ZNF274: variants seen among roughly 807,000 people sequenced by gnomAD.
The protein encoded by ZNF274 is zinc finger protein 274.
In ZNF274, 23 loss-of-function variants were observed where a neutral mutation model predicts 42.5. The observed-to-expected ratio is 0.54, with a 90% CI of 0.39 to 0.77. The LOEUF (loss-of-function observed/expected upper bound fraction) is 0.77. Among genes scored for constraint, ZNF274 ranks in the 30% least tolerant of loss-of-function variants. The probability of loss-of-function intolerance (pLI) is 0.00; values close to 1 mark genes in which losing one functional copy is unlikely to be tolerated. For missense variants in ZNF274, 679 were observed against 806.5 expected (o/e 0.84, Z 1.91); for synonymous variants, 292 against 305.4 (o/e 0.96, Z 0.46).
At chr19:58,196,771 T>C (rs1236203578) in intron 4 of ZNF274, among the ~76,000 whole-genome samples, 1 of 152,184 alleles carries the variant, frequency 6.6e-6, no homozygotes, top group African/African-American at 2.4e-5. Context: ...AGTAAATGTG[T>C]TTAGTTTGAA....
chr19:58,188,048 A>AGT (rs2075720900), intron 4 of ZNF274, among the ~76,000 whole-genome samples: 1 of 152,194 alleles, frequency 6.6e-6, no homozygotes, highest in African/African-American at 2.4e-5. Context: ...TAACAGCTTC[A>AGT]GTGTGGTCCA....
chr19:58,183,861 G>A (rs1034110394), intron 1 of ZNF274, 60 bp from the exon 2 acceptor site: 1 of 1,206,740 alleles, frequency 8.3e-7, no homozygotes, highest in Non-Finnish European at 1.2e-6. Context: ...CGGAGGCTGC[G>A]GTAGCTCCCC....
rs1568699833 is a variant in ZNF274 at position 58,191,753 on chromosome 19, C to G, written c.256+4711C>G. ...CTGAGGTGATGGGTGTCCAACTCAT[C>G]TCTGCTCTGTCACAGAAAGAGTCCT... On this transcript the variant is annotated intron_variant, in intron 4 of 7. Transcript: ENST00000617501. 2.0e-5 allele frequency among the ~76,000 whole-genome samples: 3 copies of G among 152,308 alleles called. No individual in the cohort carries two copies. The East Asian group carries it at 5.8e-4, about 29-fold the overall frequency.
intron 4 of ZNF274, among the ~76,000 whole-genome samples, chr19:58,188,694 G>GTATGTATATATA (rs1555816898): frequency 8.2e-4 from 61 of 74,654 alleles, no homozygotes; most frequent in African/African-American, 3.3e-3. Context: ...ATATGTATAT[G>GTATGTATATATA]TATATATATA....
At chr19:58,206,629 G>A in intron 4 of ZNF274, 91 bp from the exon 5 acceptor site, 1 of 1,434,636 alleles carries the variant, frequency 7.0e-7, no homozygotes, top group Non-Finnish European at 9.3e-7. Context: ...TTCCACTGTG[G>A]TTTTGACTTG....
intron 3 of ZNF274, 97 bp downstream of exon 3, chr19:58,185,935 AC>A: frequency 8.6e-7 from 1 of 1,165,656 alleles, no homozygotes; most frequent in Non-Finnish European, 1.1e-6. Context: ...CTGCAGGGGC[AC>A]CAGTAGGAAA....
chr19:58,190,591 C>T (rs1480273423), intron 4 of ZNF274, among the ~76,000 whole-genome samples: 1 of 152,190 alleles, frequency 6.6e-6, no homozygotes, highest in Non-Finnish European at 1.5e-5. Flanking sequence ...AGTGGTCACA[C>T]AATTCTTCTC....
At chr19:58,198,381 AC>A (rs764062667) in intron 4 of ZNF274, among the ~76,000 whole-genome samples, 1 of 152,216 alleles carries the variant, frequency 6.6e-6, no homozygotes, top group Non-Finnish European at 1.5e-5. Flanking sequence ...AAAGTATATG[AC>A]ATTTTAATAT....
rs1466553735 is a variant in ZNF274 at position 58,211,997 on chromosome 19, C to G, written c.980-164C>G. ...CTTGTTCACCAAGGTCAGTGCTCCC[C>G]TCCCTGCCGCTTCATTGCTTTTCAG... On this transcript the variant is annotated intron_variant, in intron 7 of 7. Transcript: ENST00000617501. This position sits in a 1 kb window ranked among gnomAD's most constrained non-coding sequence, Gnocchi z 4.8. 6.6e-6 allele frequency among the ~76,000 whole-genome samples: 1 copy of G among 152,162 alleles called. No individual in the cohort carries two copies. Among genetic ancestry groups the G allele is most frequent in the African/African-American group, 2.4e-5 (1 of 41,432 alleles).
In ZNF274 at chr19:58,211,798, C is replaced by T. The variant is rs1270059788; in HGVS notation, c.979+112C>T. The T allele has an allele frequency of 3.5e-6, 5 of 1,423,920 alleles. No homozygotes were observed. The highest frequency in any genetic ancestry group is 4.7e-6 in the Non-Finnish European group (5 of 1,069,584). The allele number at this position is 1,423,920 out of a possible 1,614,324, so 88.2% of individuals were successfully genotyped here. ...ACACTGGGCATTCCCTCAAGGGGCC[C>T]TTGCTGCATCCAGGGCCTGTAAGTG... is the stretch of plus-strand genomic sequence containing the variant. On this transcript the variant is annotated intron_variant, in intron 7 of 7. Transcript: ENST00000617501. The surrounding 1 kb of genome is among the most constrained non-coding windows in gnomAD (Gnocchi z 4.8).
chr19:58,192,919 A>AT (rs960137956), intron 4 of ZNF274, among the ~76,000 whole-genome samples: 1 of 151,362 alleles, frequency 6.6e-6, no homozygotes, highest in African/African-American at 2.4e-5. Context: ...TAAGTTTTAT[A>AT]TTTTTTTGTC....
intron 4 of ZNF274, among the ~76,000 whole-genome samples, chr19:58,194,887 G>T (rs1381139869): frequency 6.6e-6 from 1 of 152,080 alleles, no homozygotes; most frequent in Non-Finnish European, 1.5e-5. Flanking sequence ...AGTAGTCCCA[G>T]CTACTCAGGA....
At chr19:58,204,051 G>C (rs12982863) in intron 4 of ZNF274, among the ~76,000 whole-genome samples, 28,920 of 152,222 alleles carry the variant, frequency 0.19, 3,576 homozygotes, top group Middle Eastern at 0.37. Context: ...GCGCGCAAAC[G>C]GGAAGCCCAG....
At chr19:58,201,337 G>A (rs893422232) in intron 4 of ZNF274, among the ~76,000 whole-genome samples, 1 of 151,016 alleles carries the variant, frequency 6.6e-6, no homozygotes, top group African/African-American at 2.4e-5. Flanking sequence ...ACCAGATCTC[G>A]TGTGATTAAC....
rs373881031 is a variant in ZNF274, at chr19:58,211,532, G to A, written c.853-28G>A. ...TTGACAACCCTCTGACCCTCTTGCT[G>A]AGCATAGACACATATGTGATGTTAC... On this transcript the variant is annotated intron_variant, in intron 6 of 7. Transcript: ENST00000617501. This position sits in a 1 kb window ranked among gnomAD's most constrained non-coding sequence, Gnocchi z 4.8. 8.3e-5 allele frequency: 133 copies of A among 1,597,928 alleles called. No individual in the cohort carries two copies. Among genetic ancestry groups the A allele is most frequent in the Non-Finnish European group, 1.1e-4 (124 of 1,170,338 alleles).
intron 5 of ZNF274, chr19:58,209,278 CTG>C (rs2076011985): frequency 1.3e-5 from 2 of 152,246 alleles, no homozygotes; most frequent in Non-Finnish European, 2.9e-5. Context: ...GATCTAATCA[CTG>C]TGGCCAAGAG....
chr19:58,201,222 G>C (rs1440500865), intron 4 of ZNF274, among the ~76,000 whole-genome samples: 1 of 146,266 alleles, frequency 6.8e-6, no homozygotes, highest in Non-Finnish European at 1.5e-5. Flanking sequence ...ATGTTGCCCA[G>C]GCCGGTCTAG....
rs752803116 is a variant in ZNF274, at chr19:58,207,588, C to T, written c.739+386C>T. Among the ~76,000 whole-genome samples, 1 of 152,032 alleles carries T rather than the reference C, an allele frequency of 6.6e-6. No individual in the cohort carries two copies. The highest frequency in any genetic ancestry group is 1.5e-5 in the Non-Finnish European group (1 of 68,008). On this transcript the variant is annotated intron_variant, in intron 5 of 7. Coordinates refer to ENST00000617501, the MANE Select transcript of ZNF274 (RefSeq NM_133502.3). The surrounding 1 kb of genome is among the most constrained non-coding windows in gnomAD (Gnocchi z 5.6). ...AAAAATGCTGGGACTATGAGGAGCT[C>T]GAGGTGATGGTGAGGCTTATGAAGG...
chr19:58,193,639 A>G (rs1378608155), intron 4 of ZNF274, among the ~76,000 whole-genome samples: 2 of 151,764 alleles, frequency 1.3e-5, no homozygotes, highest in Non-Finnish European at 2.9e-5. Flanking sequence ...AAAATATGAT[A>G]AAGGGACCAG....
Sources: gnomAD v4.1 joint callset for allele counts (sites outside exome capture counted in the v4.1 genomes callset) on GRCh38, gnomAD v4.1.1 for gene constraint, Gnocchi (gnomAD v3.1) non-coding constraint, MANE v1.5 for transcripts, NCBI Gene and HGNC (gene_info 2026-07-23, HGNC 2026-07-21) for gene names.